Variants in RUFY3 observed in about 807,000 individuals in gnomAD.
The protein encoded by RUFY3 is RUN and FYVE domain containing 3.
A neutral mutation model predicts 84.0 loss-of-function variants in RUFY3; 34 were observed. That is an observed-to-expected ratio of 0.40 (90% CI 0.31 to 0.54). The LOEUF (loss-of-function observed/expected upper bound fraction) is 0.54. Ranked by LOEUF, RUFY3 falls within the 20% of genes least tolerant of loss-of-function variation. The pLI is 0.39. For synonymous variants in RUFY3, 242 were observed against 252.9 expected (o/e 0.96, Z 0.41); for missense variants, 507 against 736.8 (o/e 0.69, Z 3.61).
At chr4:70,755,633 A>G (rs1206186590) in intron 1 of RUFY3, among the ~76,000 whole-genome samples, 1 of 152,236 alleles carries the variant, frequency 6.6e-6, no homozygotes, top group Non-Finnish European at 1.5e-5. Context: ...TTGAAGAGAT[A>G]CAGTGAAGAA....
At chr4:70,780,798 A>G (rs1178514311) in intron 8 of RUFY3, among the ~76,000 whole-genome samples, 2 of 152,220 alleles carry the variant, frequency 1.3e-5, no homozygotes, top group Admixed American at 1.3e-4. Context: ...CCTCAGTCAT[A>G]AGACTTGTCT....
At position 70,775,240 on chromosome 4, in the gene RUFY3, A is replaced by C. The variant is rs1238968412; in HGVS notation, c.824+7A>C. 6.5e-7 allele frequency: 1 copy of C among 1,535,678 alleles called. No individual in the cohort carries two copies. The highest frequency in any genetic ancestry group is 1.4e-5 in the African/African-American group (1 of 73,128). On this transcript the variant is annotated splice_region_variant and intron_variant, in intron 7 of 17. Transcript: ENST00000381006. Reference sequence around the variant, plus strand: ...AACTGAACAGACATTTGAAGTAAATAATGAATAAATATATTACTTTACTGG... The same window carrying C: ...AACTGAACAGACATTTGAAGTAAATCATGAATAAATATATTACTTTACTGG...
At chr4:70,802,732 TATATA>T (rs1732382636) in intron 15 of RUFY3, 4 of 417,888 alleles carry the variant, frequency 9.6e-6, no homozygotes, top group African/African-American at 2.0e-5. Flanking sequence ...TGGGAACCCT[TATATA>T]ATAAGTCAAG....
At chr4:70,787,695 T>C (rs564049454) in intron 10 of RUFY3, among the ~76,000 whole-genome samples, 1 of 152,300 alleles carries the variant, frequency 6.6e-6, no homozygotes, top group African/African-American at 2.4e-5. Context: ...AGAAATAATA[T>C]ATGTCAGCAT....
In RUFY3 at chr4:70,739,757, C is replaced by T. The variant is rs181997754; in HGVS notation, c.178+17006C>T. Among the ~76,000 whole-genome samples, 8 of 150,504 alleles carry T rather than the reference C, an allele frequency of 5.3e-5. No individual in the cohort carries two copies. The East Asian group carries it at 1.6e-3, about 29-fold the overall frequency. On this transcript the variant is annotated intron_variant, in intron 1 of 17. Coordinates refer to ENST00000381006, the MANE Select transcript of RUFY3 (RefSeq NM_001037442.4). Reference sequence around the variant, plus strand: ...GCTTCATTCAGCCAGTTGCCTCATCCAGAGAAAAAAGAAGTACAAGAGGGG... The same window carrying T: ...GCTTCATTCAGCCAGTTGCCTCATCTAGAGAAAAAAGAAGTACAAGAGGGG...
At chr4:70,723,686 T>C (rs1392395966) in intron 1 of RUFY3, among the ~76,000 whole-genome samples, 1 of 152,118 alleles carries the variant, frequency 6.6e-6, no homozygotes, top group Non-Finnish European at 1.5e-5. Context: ...GTCCTTATAC[T>C]GATGAAAAAA....
chr4:70,705,244 T>C (rs1181409916), exon 1 of RUFY3: 2 of 1,455,546 alleles, frequency 1.4e-6, no homozygotes, highest in Non-Finnish European at 9.0e-7. Context: ...CCCTTCCTGC[T>C]GCTGAGCTAC....
rs141093774 is a variant in RUFY3, at chr4:70,773,695, G to T, written c.758+123G>T. ...TGCTGAAAGAATTTCTGATCATATA[G>T]CTTTAATAAAGTCTTGCCAGAAATA... On this transcript the variant is annotated intron_variant, in intron 6 of 17. Coordinates refer to ENST00000381006, the MANE Select transcript of RUFY3 (RefSeq NM_001037442.4). 1.2e-3 allele frequency: 743 copies of T among 622,124 alleles called. 10 individuals are homozygous for T. The Admixed American group carries it at 0.015, about 13-fold the overall frequency. 38.5% of individuals were successfully genotyped at this position (622,124 alleles called of 1,614,324 possible).
rs1013500535 is a variant in RUFY3, at chr4:70,752,444, G to A, written c.179-10075G>A. On this transcript the variant is annotated intron_variant, in intron 1 of 17. Coordinates refer to ENST00000381006, the MANE Select transcript of RUFY3 (RefSeq NM_001037442.4). ...TTGCCTACTTGCCCTGGCAAGACTC[G>A]CCTATACAATTTGGTTAGAAGTAGC... Among the ~76,000 whole-genome samples the A allele has an allele frequency of 3.3e-5, 5 of 152,006 alleles. No homozygotes were observed. In the East Asian group the frequency reaches 5.8e-4, roughly 18 times the overall value.
At chr4:70,792,131 C>CA (rs1185699629) in intron 12 of RUFY3, 1 of 985,378 alleles carries the variant, frequency 1.0e-6, no homozygotes, top group African/African-American at 1.7e-5. Context: ...CTCCTATTAA[C>CA]AAAAAATGAT....
At chr4:70,727,915 C>T (rs1215069774) in intron 1 of RUFY3, among the ~76,000 whole-genome samples, 1 of 152,008 alleles carries the variant, frequency 6.6e-6, no homozygotes, top group Non-Finnish European at 1.5e-5. Context: ...ACAAAACCAA[C>T]TATAGCTATG....
chr4:70,712,724 A>G (rs1039050732), intron 1 of RUFY3, among the ~76,000 whole-genome samples: 4 of 152,234 alleles, frequency 2.6e-5, no homozygotes, highest in African/African-American at 4.8e-5. Flanking sequence ...TTTGTTGGCA[A>G]TATTTTTCAA....
intron 1 of RUFY3, among the ~76,000 whole-genome samples, chr4:70,752,598 T>C (rs73824881): frequency 0.073 from 11,138 of 152,260 alleles, 649 homozygotes; most frequent in East Asian, 0.2. Flanking sequence ...CTCTTCCTAG[T>C]TTGTTGAATG....
intron 1 of RUFY3, among the ~76,000 whole-genome samples, chr4:70,710,020 A>G (rs1740794646): frequency 6.6e-6 from 1 of 152,244 alleles, no homozygotes; most frequent in Non-Finnish European, 1.5e-5. Flanking sequence ...AAAGTTGAGT[A>G]TACTTAACAG....
intron 7 of RUFY3, among the ~76,000 whole-genome samples, chr4:70,776,598 C>T (rs1169233619): frequency 1.3e-5 from 2 of 152,116 alleles, no homozygotes; most frequent in Non-Finnish European, 2.9e-5. Context: ...CACGGTGAAA[C>T]CCCATCTCTA....
At chr4:70,799,144 C>CAAA (rs547398917) in intron 14 of RUFY3, among the ~76,000 whole-genome samples, 2 of 64,172 alleles carry the variant, frequency 3.1e-5, no homozygotes, top group African/African-American at 5.5e-5. Flanking sequence ...GACTCCGTCT[C>CAAA]AAAAAAAAAA....
At chr4:70,742,301 C>A (rs114992113) in intron 1 of RUFY3, among the ~76,000 whole-genome samples, 1 of 152,074 alleles carries the variant, frequency 6.6e-6, no homozygotes, top group African/African-American at 2.4e-5. Context: ...GAGCTCAGAG[C>A]GATTTACACA....
rs118102269 is a variant in RUFY3, at chr4:70,746,800, G to T, written c.179-15719G>T. On this transcript the variant is annotated intron_variant, in intron 1 of 17. Coordinates refer to ENST00000381006, the MANE Select transcript of RUFY3 (RefSeq NM_001037442.4). ...GAATAACAAAAAGTCAATTTTAATG[G>T]TTGCATACTATATGATTCTATTTAC... 7.2e-5 allele frequency among the ~76,000 whole-genome samples: 11 copies of T among 152,300 alleles called. No homozygotes were observed. In the East Asian group the frequency reaches 1.4e-3, roughly 19 times the overall value.
chr4:70,705,207 A>G, exon 1 of RUFY3: 1 of 1,459,898 alleles, frequency 6.8e-7, no homozygotes. Context: ...CTCCTGGAGG[A>G]CCCCGCCGTC....
Sources: allele counts gnomAD v4.1 joint callset (sites outside exome capture counted in the v4.1 genomes callset), GRCh38; gene constraint gnomAD v4.1.1; transcripts MANE v1.5; gene names NCBI Gene and HGNC (gene_info 2026-07-23, HGNC 2026-07-21).